Variants in SLC24A2 observed in about 807,000 individuals in gnomAD.
The protein encoded by SLC24A2 is sodium/potassium/calcium exchanger 2.
In SLC24A2, 36 loss-of-function variants were observed where a neutral mutation model predicts 62.0. The ratio of observed to expected loss-of-function variants is 0.58; its 90% confidence interval spans 0.44 to 0.77. The LOEUF (loss-of-function observed/expected upper bound fraction) is 0.77, where lower values mean the gene tolerates loss of function less well. Among genes scored for constraint, SLC24A2 ranks in the 30% least tolerant of loss-of-function variants. The pLI is 0.00. For missense variants in SLC24A2, 846 were observed against 817.9 expected (o/e 1.03, Z -0.42); for synonymous variants, 358 against 294.0 (o/e 1.22, Z -2.23).
At chr9:19,980,910 C>T in the SLC24A2 span, among the ~76,000 whole-genome samples, 14 of 152,178 alleles carry the variant, frequency 9.2e-5, no homozygotes, top group Non-Finnish European at 1.3e-4. Flanking sequence ...ATCCATGGGA[C>T]GGATAACTTG....
At chr9:19,864,375 AAAC>A in the SLC24A2 span, among the ~76,000 whole-genome samples, 44 of 152,088 alleles carry the variant, frequency 2.9e-4, 1 homozygote, top group East Asian at 1.9e-3. Flanking sequence ...CCAGAAAAAA[AAAC>A]AACAACAAAA....
the SLC24A2 span, among the ~76,000 whole-genome samples, chr9:20,257,793 A>C: frequency 6.6e-6 from 1 of 152,346 alleles, no homozygotes; most frequent in East Asian, 1.9e-4. Flanking sequence ...GCAAACCCTC[A>C]ATAAATAATG....
At chr9:19,549,488 C>T (rs1431145407) in intron 8 of SLC24A2, among the ~76,000 whole-genome samples, 1 of 152,172 alleles carries the variant, frequency 6.6e-6, no homozygotes, top group African/African-American at 2.4e-5. Flanking sequence ...CAGTTTCTGC[C>T]TTCTGTCACT....
At chr9:19,938,278 T>G in the SLC24A2 span, among the ~76,000 whole-genome samples, 1 of 152,084 alleles carries the variant, frequency 6.6e-6, no homozygotes, top group Admixed American at 6.5e-5. Flanking sequence ...ATATAGAAAC[T>G]CAATATTAAA....
chr9:20,242,177 C>T, the SLC24A2 span, among the ~76,000 whole-genome samples: 5 of 152,138 alleles, frequency 3.3e-5, no homozygotes, highest in Non-Finnish European at 7.4e-5. Flanking sequence ...ATTAACTTGA[C>T]TAAAACACTC....
the SLC24A2 span, among the ~76,000 whole-genome samples, chr9:20,051,657 C>CTTTTTTTTTTTTTTTT: frequency 2.0e-3 from 150 of 73,488 alleles, 11 homozygotes; most frequent in African/African-American, 2.7e-3. Context: ...TTTTCTTTCT[C>CTTTTTTTTTTTTTTTT]TTTTTTTTTT....
the SLC24A2 span, among the ~76,000 whole-genome samples, chr9:19,969,596 G>A: frequency 6.6e-6 from 1 of 152,114 alleles, no homozygotes; most frequent in Non-Finnish European, 1.5e-5. Flanking sequence ...TACTTCCAGT[G>A]CCTCTTTTTC....
the SLC24A2 span, among the ~76,000 whole-genome samples, chr9:20,291,167 C>T: frequency 3.3e-5 from 5 of 152,114 alleles, no homozygotes; most frequent in Non-Finnish European, 7.3e-5. Context: ...AATGCCTGCC[C>T]TTAAGCAACT....
the SLC24A2 span, among the ~76,000 whole-genome samples, chr9:20,028,820 C>T: frequency 2.6e-5 from 4 of 152,308 alleles, no homozygotes; most frequent in East Asian, 1.9e-4. Flanking sequence ...CTGGCAGATC[C>T]CCCAAATCCT....
At chr9:20,086,675 A>C in the SLC24A2 span, among the ~76,000 whole-genome samples, 83 of 152,260 alleles carry the variant, frequency 5.5e-4, 1 homozygote, top group African/African-American at 1.9e-3. Context: ...TAGGTCACTA[A>C]CCTTTGCTCC....
At chr9:19,817,245 GGAA>G in the SLC24A2 span, among the ~76,000 whole-genome samples, 1 of 151,808 alleles carries the variant, frequency 6.6e-6, no homozygotes, top group Non-Finnish European at 1.5e-5. Flanking sequence ...CAAAAGAAAT[GGAA>G]GAAGCAACTA....
chr9:19,794,175 T>C, the SLC24A2 span, among the ~76,000 whole-genome samples: 1 of 152,220 alleles, frequency 6.6e-6, no homozygotes, highest in African/African-American at 2.4e-5. Flanking sequence ...CTTATTCACT[T>C]ACGAGGTAAG....
Position 19,514,126 on chromosome 9 carries a change from T to G in SLC24A2, c.*2027A>C, listed in dbSNP as rs1434670323. 6.6e-6 allele frequency: 1 copy of G among 152,204 alleles called. No individual in the cohort carries two copies. The highest frequency in any genetic ancestry group is 2.1e-4 in the South Asian group (1 of 4,822). 9.4% of individuals were successfully genotyped at this position (152,204 alleles called of 1,614,324 possible). A position where few individuals can be genotyped will look rare whatever the true frequency, so the allele number is the denominator to read the frequency against. ...TCGGGTTTGAAGTGCTTTTTACTTCTGGGTGAAGAGGAATGATGGGCATTT... is the reference window on the plus strand; with the variant it reads ...TCGGGTTTGAAGTGCTTTTTACTTCGGGGTGAAGAGGAATGATGGGCATTT... On this transcript the variant is annotated 3_prime_UTR_variant, in exon 11 of 11. Coordinates refer to ENST00000341998, the MANE Select transcript of SLC24A2 (RefSeq NM_020344.4).
chr9:19,657,996 G>A (rs1818990002), intron 2 of SLC24A2, among the ~76,000 whole-genome samples: 1 of 152,134 alleles, frequency 6.6e-6, no homozygotes, highest in Admixed American at 6.6e-5. Flanking sequence ...TGTAGTGAGA[G>A]TTATCTGTGT....
At chr9:19,896,455 C>G in the SLC24A2 span, among the ~76,000 whole-genome samples, 839 of 152,348 alleles carry the variant, frequency 5.5e-3, 7 homozygotes, top group Non-Finnish European at 0.011. Flanking sequence ...TAAAAGAACA[C>G]TCTTTGGGAG....
the SLC24A2 span, among the ~76,000 whole-genome samples, chr9:19,836,408 C>A: frequency 6.6e-6 from 1 of 152,096 alleles, no homozygotes; most frequent in Non-Finnish European, 1.5e-5. Flanking sequence ...CACCACCGAT[C>A]CCACAGAAAT....
chr9:19,893,332 G>C, the SLC24A2 span, among the ~76,000 whole-genome samples: 1 of 152,150 alleles, frequency 6.6e-6, no homozygotes, highest in Non-Finnish European at 1.5e-5. Context: ...TCCCAAGGCT[G>C]AACCATATCT....
At chr9:19,866,625 C>CTTTT in the SLC24A2 span, among the ~76,000 whole-genome samples, 2 of 68,190 alleles carry the variant, frequency 2.9e-5, no homozygotes, top group Non-Finnish European at 5.1e-5. Flanking sequence ...CACGTTTTCA[C>CTTTT]TTTTTTTTTT....
the SLC24A2 span, among the ~76,000 whole-genome samples, chr9:20,092,022 A>G: frequency 1.3e-5 from 2 of 152,218 alleles, no homozygotes; most frequent in Non-Finnish European, 2.9e-5. Context: ...GTTCTCATTT[A>G]TAAGTAGGAG....
Sources: allele counts gnomAD v4.1 joint callset (sites outside exome capture counted in the v4.1 genomes callset), GRCh38; gene constraint gnomAD v4.1.1; transcripts MANE v1.5; gene names NCBI Gene and HGNC (gene_info 2026-07-23, HGNC 2026-07-21).